SNRNP40: variants seen among roughly 807,000 people sequenced by gnomAD.
SNRNP40 encodes the protein U5 small nuclear ribonucleoprotein 40 kDa protein.
SNRNP40 carries 21 observed loss-of-function variants against 45.8 expected under a neutral mutation model. That is an observed-to-expected ratio of 0.46 (90% CI 0.32 to 0.66). The LOEUF is 0.66. Among genes scored for constraint, SNRNP40 ranks in the 30% least tolerant of loss-of-function variants. The pLI, the probability that SNRNP40 is intolerant of heterozygous loss-of-function variation, is 0.03. For synonymous variants in SNRNP40, 142 were observed against 163.8 expected (o/e 0.87, Z 1.01); for missense variants, 344 against 439.1 (o/e 0.78, Z 1.94).
chr1:31,282,849 T>C (rs1050772323), intron 4 of SNRNP40, among the ~76,000 whole-genome samples: 7 of 152,108 alleles, frequency 4.6e-5, no homozygotes, highest in African/African-American at 1.7e-4. Context: ...CTAATTTTTG[T>C]ATTTTTAGTA....
intron 7 of SNRNP40, among the ~76,000 whole-genome samples, chr1:31,268,347 A>C (rs1370713272): frequency 6.6e-6 from 1 of 150,628 alleles, no homozygotes; most frequent in Non-Finnish European, 1.5e-5. Flanking sequence ...CAGTGGCACA[A>C]TCATAGCTCA....
At chr1:31,260,732 G>A (rs945594022) in intron 9 of SNRNP40, among the ~76,000 whole-genome samples, 1 of 151,154 alleles carries the variant, frequency 6.6e-6, no homozygotes, top group African/African-American at 2.4e-5. Context: ...TGTGGTGGTG[G>A]GTGCCTGTAG....
intron 5 of SNRNP40, among the ~76,000 whole-genome samples, chr1:31,274,177 G>A (rs1645958604): frequency 6.6e-6 from 1 of 152,066 alleles, no homozygotes; most frequent in South Asian, 2.1e-4. Context: ...GGTCAAAGAA[G>A]GGTTCAAAAT....
chr1:31,273,953 G>GT lies in SNRNP40; in HGVS notation c.655-2455dup, dbSNP rs924732474. Among the ~76,000 whole-genome samples, 47 of 151,318 alleles carry GT rather than the reference G, an allele frequency of 3.1e-4. No homozygotes were observed. In the Middle Eastern group the frequency reaches 0.01, roughly 33 times the overall value. On this transcript the variant is annotated intron_variant, in intron 5 of 9. Transcript: ENST00000263694. ...CCTGAGCAGGGTCTGGAAGAAGGAA[G>GT]TTTTTTTTTGTTTTTGTTTTTTTTT...
intron 8 of SNRNP40, among the ~76,000 whole-genome samples, chr1:31,266,592 C>A (rs1051717350): frequency 2.6e-5 from 4 of 152,162 alleles, no homozygotes; most frequent in African/African-American, 9.7e-5. Context: ...GCACATAATG[C>A]CTGAGCCAGT....
intron 4 of SNRNP40, among the ~76,000 whole-genome samples, chr1:31,283,256 A>G (rs1312314108): frequency 3.3e-5 from 5 of 152,336 alleles, no homozygotes; most frequent in Middle Eastern, 3.4e-3. Context: ...GAAAAAAAGA[A>G]TTCAGTGGTC....
intron 4 of SNRNP40, among the ~76,000 whole-genome samples, chr1:31,287,835 T>C (rs1646071132): frequency 6.6e-6 from 1 of 152,098 alleles, no homozygotes; most frequent in African/African-American, 2.4e-5. Context: ...CTGCCTCTAC[T>C]GAAAATACAA....
chr1:31,288,888 C>A (rs1350802546), intron 4 of SNRNP40, among the ~76,000 whole-genome samples: 5 of 152,130 alleles, frequency 3.3e-5, no homozygotes, highest in African/African-American at 9.7e-5. Flanking sequence ...CCCGCCATCA[C>A]GCCCGGCTTA....
rs1306527844 is a variant in SNRNP40, at chr1:31,285,023, C to G, written c.532-3527G>C. Among the ~76,000 whole-genome samples, 3 of 152,210 alleles carry G rather than the reference C, an allele frequency of 2.0e-5. No homozygotes were observed. In the South Asian group the frequency reaches 6.2e-4, roughly 32 times the overall value. Reference sequence around the variant, plus strand: ...ACTATAATCTTTGTCTCAATAGATACTTCACTCAGGTCAAATCTATCTTTG... The same window carrying G: ...ACTATAATCTTTGTCTCAATAGATAGTTCACTCAGGTCAAATCTATCTTTG... On this transcript the variant is annotated intron_variant, in intron 4 of 9. Coordinates refer to ENST00000263694, the MANE Select transcript of SNRNP40 (RefSeq NM_004814.3).
chr1:31,289,475 C>A, intron 3 of SNRNP40, 56 bp from the exon 4 acceptor site: 2 of 1,510,902 alleles, frequency 1.3e-6, no homozygotes, highest in Admixed American at 1.7e-5. Flanking sequence ...CAGTAACAAT[C>A]TATCTTTCCT....
chr1:31,278,586 T>C (rs142429582), intron 5 of SNRNP40, among the ~76,000 whole-genome samples: 77 of 152,356 alleles, frequency 5.1e-4, no homozygotes, highest in Middle Eastern at 3.4e-3. Flanking sequence ...CTGGGAAATA[T>C]TGTGCACAGC....
intron 7 of SNRNP40, 85 bp from the exon 8 acceptor site, chr1:31,268,017 C>T: frequency 1.1e-6 from 1 of 897,746 alleles, no homozygotes; most frequent in Non-Finnish European, 1.8e-6. Context: ...CTTTAAATTT[C>T]CTAACTAGAG....
intron 1 of SNRNP40, among the ~76,000 whole-genome samples, chr1:31,294,494 C>T (rs1646128085): frequency 6.6e-6 from 1 of 151,504 alleles, no homozygotes; most frequent in Non-Finnish European, 1.5e-5. Context: ...GAGTCTTGCT[C>T]TGTTGCCCAG....
At chr1:31,282,538 ACT>A (rs1325049386) in intron 4 of SNRNP40, 1 of 147,624 alleles carries the variant, frequency 6.8e-6, no homozygotes, top group African/African-American at 2.5e-5. Flanking sequence ...CTGGGGACAC[ACT>A]CTCCCTCTGT....
intron 5 of SNRNP40, among the ~76,000 whole-genome samples, chr1:31,272,983 A>G (rs1364942659): frequency 6.6e-6 from 1 of 152,178 alleles, no homozygotes; most frequent in Non-Finnish European, 1.5e-5. Context: ...TTAAATCAAG[A>G]CACTTTTCCT....
intron 5 of SNRNP40, among the ~76,000 whole-genome samples, chr1:31,275,484 G>T (rs1461191228): frequency 6.6e-6 from 1 of 152,016 alleles, no homozygotes; most frequent in East Asian, 1.9e-4. Flanking sequence ...CCACCTCCCG[G>T]GTTCAAGCGA....
At chr1:31,260,920 T>G in intron 9 of SNRNP40, 1 of 911,662 alleles carries the variant, frequency 1.1e-6, no homozygotes, top group South Asian at 2.0e-5. Context: ...GAAACAGACT[T>G]GATGGAAGTA....
chr1:31,281,229 G>A (rs1646014541), intron 5 of SNRNP40, 145 bp downstream of exon 5: 1 of 598,322 alleles, frequency 1.7e-6, no homozygotes, highest in Non-Finnish European at 2.8e-6. Flanking sequence ...AATGAAGACA[G>A]GAGAAAAAGA....
At chr1:31,279,836 C>T (rs767988650) in intron 5 of SNRNP40, among the ~76,000 whole-genome samples, 10 of 151,284 alleles carry the variant, frequency 6.6e-5, no homozygotes, top group East Asian at 4.0e-4. Context: ...AGGCCGGGCA[C>T]GGTGGCTCAC....
Sources: gnomAD v4.1 joint callset for allele counts (sites outside exome capture counted in the v4.1 genomes callset) on GRCh38, gnomAD v4.1.1 for gene constraint, MANE v1.5 for transcripts, NCBI Gene and HGNC (gene_info 2026-07-23, HGNC 2026-07-21) for gene names.